PASK: variants seen among roughly 807,000 people sequenced by gnomAD.
PASK encodes PAS domain containing serine/threonine kinase.
PASK carries 110 observed loss-of-function variants against 121.0 expected under a neutral mutation model. That is an observed-to-expected ratio of 0.91 (90% CI 0.78 to 1.06). The LOEUF is 1.06. PASK is among the 50% of genes least tolerant of loss of function. The probability of loss-of-function intolerance (pLI) is 0.00; values close to 1 mark genes in which losing one functional copy is unlikely to be tolerated. For missense variants in PASK, 1,643 were observed against 1,702.3 expected, an observed-to-expected ratio of 0.97 and a Z score of 0.61; for synonymous variants, 686 against 717.8, an observed-to-expected ratio of 0.96 and a Z score of 0.71.
Position 241,132,991 on chromosome 2 carries a change from A to T in PASK, c.1346T>A (p.Val449Glu). The change falls in exon 9 of 18, where the codon GTG becomes GAG. Residue 449 changes from valine (V) to glutamate (E), a missense_variant. By Grantham distance (121) the Val-to-Glu change is moderately radical (BLOSUM62 -2). Around this residue, in one of 3 missense-constraint regions of PASK, gnomAD observed 1,176 missense variants for 1,162.2 expected, o/e 1.01. Transcript: ENST00000234040. ...INVVLAGGHV[V>E]PRDEIRKLME... ...CAGCTTCCGGATCTCATCTCGGGGCACAACGTGGCCACCAGCAAGCACGAC... is the reference window on the plus strand; with the variant it reads ...CAGCTTCCGGATCTCATCTCGGGGCTCAACGTGGCCACCAGCAAGCACGAC... 2 of 1,614,160 alleles carry T rather than the reference A, an allele frequency of 1.2e-6. No individual in the cohort carries two copies. The highest frequency in any genetic ancestry group is 1.7e-6 in the Non-Finnish European group (2 of 1,179,976).
At chr2:241,142,624 G>A (rs1011521441) in intron 2 of PASK, among the ~76,000 whole-genome samples, 5 of 152,230 alleles carry the variant, frequency 3.3e-5, no homozygotes, top group African/African-American at 4.8e-5. Flanking sequence ...GAAAAGAAGC[G>A]CCAGCTGCCT....
At chr2:241,136,208 A>G (rs2074825) in intron 7 of PASK, among the ~76,000 whole-genome samples, 169 bp from the exon 8 acceptor site, 59,554 of 152,166 alleles carry the variant, frequency 0.39, 12,246 homozygotes, top group Middle Eastern at 0.56. Context: ...GAAGCCCCTC[A>G]GATGCTCAAC....
intron 10 of PASK, among the ~76,000 whole-genome samples, chr2:241,124,408 C>T (rs912831616): frequency 4.6e-5 from 7 of 152,202 alleles, no homozygotes; most frequent in African/African-American, 1.7e-4. Flanking sequence ...TCAGGGCAGC[C>T]AGAGGCCAAG....
chr2:241,141,588 G>C (rs574887560), intron 2 of PASK, among the ~76,000 whole-genome samples: 7 of 151,878 alleles, frequency 4.6e-5, no homozygotes, highest in Admixed American at 1.3e-4. Flanking sequence ...CCCATTCCTC[G>C]GTAGCTTTAA....
In PASK at chr2:241,108,251, T is replaced by G; in HGVS notation, c.3583A>C (p.Thr1195Pro). ...AAGGGGTTCTCCTCAAAGACCAGCG[T>G]GTACAGAGTGACTCCCAGAGACCAC... is the stretch of plus-strand genomic sequence containing the variant. Reference protein sequence around the residue: ...EMWSLGVTLYTLVFEENPFCE... With the variant: ...EMWSLGVTLYPLVFEENPFCE... The change falls in exon 16 of 18, where the codon ACG (threonine) becomes CCG (proline). Residue 1195 changes from threonine to proline, a missense_variant. This residue lies in a region of PASK where 453 missense variants were observed against 511.2 expected (regional missense o/e 0.89). Coordinates refer to ENST00000234040, the MANE Select transcript of PASK (RefSeq NM_015148.4). The surrounding 1 kb of genome is among the most constrained non-coding windows in gnomAD (Gnocchi z 5.2). The G allele has an allele frequency of 1.2e-6, 2 of 1,613,976 alleles. No individual in the cohort carries two copies. Among genetic ancestry groups the G allele is most frequent in the East Asian group, 2.2e-5 (1 of 44,868 alleles).
intron 8 of PASK, chr2:241,133,261 A>C: frequency 1.7e-6 from 1 of 590,478 alleles, no homozygotes; most frequent in Non-Finnish European, 3.1e-6. Flanking sequence ...ATTAACACCC[A>C]AGTCAGAGCA....
intron 7 of PASK, 85 bp from the exon 8 acceptor site, chr2:241,136,124 A>C: frequency 8.4e-7 from 1 of 1,190,470 alleles, no homozygotes; most frequent in Non-Finnish European, 1.3e-6. Context: ...GAATGAACAC[A>C]AGGAGAGCCA....
chr2:241,114,467 G>A (rs750483343), intron 14 of PASK: 69 of 996,896 alleles, frequency 6.9e-5, no homozygotes, highest in East Asian at 4.3e-4. Context: ...AACCCAACAC[G>A]AGTTACCGTT....
Position 241,126,609 on chromosome 2 carries a change from G to C in PASK, c.2306C>G (p.Thr769Arg). Residue 769 changes from threonine (T) to arginine (R), a missense_variant, in exon 10 of 18, where the codon ACA becomes AGA. Transcript: ENST00000234040. ...GGAGCCCACTGCCAAGGAAGAGGGT[G>C]TCTCTCTGAGTTCAGACGTAGCACA... The part of the protein sequence containing the change: ...CSCATSELRE[T>R]PSSLAVGSDP... 1.9e-6 allele frequency: 3 copies of C among 1,614,218 alleles called. No individual in the cohort carries two copies. The highest frequency in any genetic ancestry group is 2.5e-6 in the Non-Finnish European group (3 of 1,180,008).
chr2:241,117,160 T>G (rs1269388020), intron 12 of PASK, among the ~76,000 whole-genome samples: 3 of 151,890 alleles, frequency 2.0e-5, no homozygotes, highest in African/African-American at 7.3e-5. Flanking sequence ...CATCGGAGCC[T>G]GGGCAACATC....
At chr2:241,146,840 A>C (rs898886779) in intron 1 of PASK, among the ~76,000 whole-genome samples, 5 of 152,228 alleles carry the variant, frequency 3.3e-5, no homozygotes, top group Non-Finnish European at 5.9e-5. Context: ...TGATGGGTTC[A>C]AATGCATCCA....
chr2:241,108,151 T>C lies in PASK; in HGVS notation c.3667+16A>G. 6.2e-7 allele frequency: 1 copy of C among 1,614,034 alleles called. No homozygotes were observed. ...AGGACAGTGTCGACTGTCTACCACT[T>C]GCAGCTCACGCTCACCTTTGGACAC... On this transcript the variant is annotated intron_variant, in intron 16 of 17. Transcript: ENST00000234040. This position sits in a 1 kb window ranked among gnomAD's most constrained non-coding sequence, Gnocchi z 5.2.
intron 14 of PASK, chr2:241,114,317 TG>T: frequency 2.0e-6 from 2 of 985,442 alleles, no homozygotes; most frequent in Non-Finnish European, 2.4e-6. Flanking sequence ...TCACGGAAGC[TG>T]TCATTAGAAA....
chr2:241,120,956 T>C (rs772665815), intron 12 of PASK, among the ~76,000 whole-genome samples: 67 of 152,314 alleles, frequency 4.4e-4, no homozygotes, highest in Non-Finnish European at 7.6e-4. Context: ...AAACAAAATA[T>C]GGTGTCTGTT....
rs1264327021 is a variant in PASK at position 241,126,934 on chromosome 2, A to G, written c.1981T>C (p.Leu661=). Residue 661 remains leucine, a synonymous_variant, in exon 10 of 18, where the codon TTG becomes CTG. Coordinates refer to ENST00000234040, the MANE Select transcript of PASK (RefSeq NM_015148.4). Reference sequence around the variant, plus strand: ...AACTGGGACAGCTGCTCCTTAATCAAGCAGGTCTGCAGCTCTTCTCGGTCG... The same window carrying G: ...AACTGGGACAGCTGCTCCTTAATCAGGCAGGTCTGCAGCTCTTCTCGGTCG... The part of the protein sequence containing the change: ...ENDREELQTC[L]IKEQLSQLSL... 2 of 1,614,116 alleles carry G rather than the reference A, an allele frequency of 1.2e-6. No homozygotes were observed. The highest frequency in any genetic ancestry group is 1.7e-6 in the Non-Finnish European group (2 of 1,180,000).
Position 241,127,217 on chromosome 2 carries a change from G to C in PASK, c.1698C>G (p.Gly566=). ...EDGGSDAGMC[G]LCQKAQLERM... is the part of the protein sequence containing the mutation. ...GCTCTAGCTGGGCCTTCTGACACAG[G>C]CCACACATGCCAGCATCACTGCCCC... Residue 566 remains glycine (G), a synonymous_variant, in exon 10 of 18, where the codon GGC becomes GGG. Coordinates refer to ENST00000234040, the MANE Select transcript of PASK (RefSeq NM_015148.4). 6.8e-6 allele frequency: 11 copies of C among 1,614,240 alleles called. No homozygotes were observed. Among genetic ancestry groups the C allele is most frequent in the Non-Finnish European group, 9.3e-6 (11 of 1,180,042 alleles).
At chr2:241,139,735 C>A in intron 4 of PASK, 150 bp downstream of exon 4, 3 of 776,818 alleles carry the variant, frequency 3.9e-6, no homozygotes, top group Non-Finnish European at 6.8e-6. Context: ...GGGGAAACGG[C>A]GCCTGGGATG....
At chr2:241,116,316 G>C (rs1209229568) in intron 12 of PASK, among the ~76,000 whole-genome samples, 4 of 152,242 alleles carry the variant, frequency 2.6e-5, no homozygotes, top group Non-Finnish European at 5.9e-5. Context: ...AGCACAGAAG[G>C]GGGTCAGCAG....
chr2:241,145,445 C>A (rs530356005), intron 1 of PASK, among the ~76,000 whole-genome samples: 1 of 151,990 alleles, frequency 6.6e-6, no homozygotes, highest in Admixed American at 6.6e-5. Context: ...GGCAACAAAG[C>A]GAGACCTGTC....
Sources: allele counts gnomAD v4.1 joint callset (sites outside exome capture counted in the v4.1 genomes callset), GRCh38; gene constraint gnomAD v4.1.1; regional missense constraint gnomAD v4.1.1; non-coding constraint Gnocchi (gnomAD v3.1); transcripts MANE v1.5; gene names NCBI Gene and HGNC (gene_info 2026-07-23, HGNC 2026-07-21).